Variants in TM7SF2 observed in about 807,000 individuals in gnomAD.
The protein encoded by TM7SF2 is transmembrane 7 superfamily member 2.
Under a neutral mutation model 51.0 loss-of-function variants are expected in TM7SF2, and 51 were observed. That is an observed-to-expected ratio of 1.00 (90% CI 0.80 to 1.26). The LOEUF (loss-of-function observed/expected upper bound fraction) is 1.26, where lower values mean the gene tolerates loss of function less well. Ranked by LOEUF, TM7SF2 falls within the 50% of genes most tolerant of loss-of-function variation. The pLI, the probability that TM7SF2 is intolerant of heterozygous loss-of-function variation, is 0.00. For synonymous variants in TM7SF2, 255 were observed against 241.0 expected, an observed-to-expected ratio of 1.06 and a Z score of -0.54; for missense variants, 541 against 547.4, an observed-to-expected ratio of 0.99 and a Z score of 0.12.
Position 65,116,119 on chromosome 11 carries a change from G to A in TM7SF2, c.*66G>A. 1.9e-6 allele frequency: 3 copies of A among 1,551,724 alleles called. No homozygotes were observed. The highest frequency in any genetic ancestry group is 2.6e-6 in the Non-Finnish European group (3 of 1,150,366). ...TCCACCAGCACACCCAGGACCAGGA[G>A]CCTCGACACACTTGGGACTCAAGGG... On this transcript the variant is annotated 3_prime_UTR_variant, in exon 10 of 10. Coordinates refer to ENST00000279263, the MANE Select transcript of TM7SF2 (RefSeq NM_003273.6).
In TM7SF2 at chr11:65,112,598, G is replaced by T. The variant is rs1267664876; in HGVS notation, c.136G>T (p.Gly46Cys). Residue 46 changes from glycine to cysteine, a missense_variant, in exon 2 of 10, where the codon GGT becomes TGT. By Grantham distance (159) the Gly-to-Cys change is radical (BLOSUM62 -3). Coordinates refer to ENST00000279263, the MANE Select transcript of TM7SF2 (RefSeq NM_003273.6). ...CCGTTCGGGCCCCGCGCGCCTGCTG[G>T]GTCCACCCGCGTCCCTGCCGGGGCT... ...AARSGPARLL[G>C]PPASLPGLEV... The T allele has an allele frequency of 6.6e-7, 1 of 1,516,324 alleles. No homozygotes were observed. The allele number at this position is 1,516,324 out of a possible 1,614,324, so 93.9% of individuals were successfully genotyped here. A position where few individuals can be genotyped will look rare whatever the true frequency, so the allele number is the denominator to read the frequency against.
chr11:65,113,797 G>C, intron 5 of TM7SF2: 1 of 601,624 alleles, frequency 1.7e-6, no homozygotes, highest in South Asian at 2.0e-5. Flanking sequence ...TTGCTGCAGA[G>C]AGCCTACATT....
rs1947967035 is a variant in TM7SF2, at chr11:65,115,483, G to A, written c.981G>A (p.Glu327=). Residue 327 remains glutamate, a synonymous_variant, in exon 9 of 10, where the codon GAG becomes GAA. Transcript: ENST00000279263. ...CCTGCTGTCTTTCCCCAGGGCTTGA[G>A]ACCATCTCTACAGCCACAGGGCGGA... ...NPSDPRVAGL[E]TISTATGRKL... is the part of the protein sequence containing the mutation. The A allele has an allele frequency of 6.2e-7, 1 of 1,614,150 alleles. No individual in the cohort carries two copies. The highest frequency in any genetic ancestry group is 1.1e-5 in the South Asian group (1 of 91,068).
At chr11:65,112,420 G>A (rs1188476249) in intron 1 of TM7SF2, 95 bp from the exon 2 acceptor site, 9 of 1,327,296 alleles carry the variant, frequency 6.8e-6, no homozygotes, top group Non-Finnish European at 8.9e-6. Context: ...TGGGAATGCC[G>A]AGAGGGTCCC....
At position 65,111,969 on chromosome 11, in the gene TM7SF2, TTGAC is replaced by T. The variant is rs750391341; in HGVS notation, c.-41_-38del. ...GGGAAATGGGGCGGACAGTGTTTCC[TTGAC>T]TGACTATTGTGAGCGCCCTCTCTCT... On this transcript the variant is annotated 5_prime_UTR_variant, in exon 1 of 10. Transcript: ENST00000279263. The T allele has an allele frequency of 5.6e-5, 87 of 1,554,288 alleles. No homozygotes were observed. Among genetic ancestry groups the T allele is most frequent in the Non-Finnish European group, 7.2e-5 (83 of 1,146,766 alleles).
chr11:65,112,119 T>C (rs1425306179), intron 1 of TM7SF2, 52 bp downstream of exon 1: 2 of 1,540,958 alleles, frequency 1.3e-6, no homozygotes, highest in Non-Finnish European at 1.8e-6. Flanking sequence ...GAAGGAGAGC[T>C]GGAGCGGGTG....
intron 5 of TM7SF2, among the ~76,000 whole-genome samples, chr11:65,114,145 C>T (rs372720179): frequency 6.6e-6 from 1 of 152,178 alleles, no homozygotes; most frequent in Admixed American, 6.5e-5. Flanking sequence ...GGTCTGGGTC[C>T]TGGCCTGATG....
chr11:65,112,591 C>A lies in TM7SF2; in HGVS notation c.129C>A (p.Arg43=). 1.3e-6 allele frequency: 2 copies of A among 1,517,212 alleles called. No individual in the cohort carries two copies. The highest frequency in any genetic ancestry group is 2.4e-5 in the South Asian group (2 of 81,900). The allele number at this position is 1,517,212 out of a possible 1,614,324, so 94.0% of individuals were successfully genotyped here. ...LLLAARSGPA[R]LLGPPASLPG... ...TGGCGGCCCGTTCGGGCCCCGCGCGCCTGCTGGGTCCACCCGCGTCCCTGC... is the reference window on the plus strand; with the variant it reads ...TGGCGGCCCGTTCGGGCCCCGCGCGACTGCTGGGTCCACCCGCGTCCCTGC... Residue 43 remains arginine (R), a synonymous_variant, in exon 2 of 10, where the codon CGC becomes CGA. Coordinates refer to ENST00000279263, the MANE Select transcript of TM7SF2 (RefSeq NM_003273.6).
In TM7SF2 at chr11:65,115,925, C is replaced by T. The variant is rs1477176662; in HGVS notation, c.1129C>T (p.Leu377Phe). The part of the protein sequence containing the change: ...VSHLLPYFYL[L>F]YFTALLVHRE... Reference sequence around the variant, plus strand: ...ACACCTGCTGCCCTACTTCTACCTCCTCTACTTCACCGCGCTGCTGGTGCA... The same window carrying T: ...ACACCTGCTGCCCTACTTCTACCTCTTCTACTTCACCGCGCTGCTGGTGCA... Residue 377 changes from leucine (L) to phenylalanine (F), a missense_variant, in exon 10 of 10, where the codon CTC (leucine) becomes TTC (phenylalanine). Physicochemically the swap from Leu to Phe is conservative, Grantham distance 22 (BLOSUM62 0). Coordinates refer to ENST00000279263, the MANE Select transcript of TM7SF2 (RefSeq NM_003273.6). 11 of 1,613,972 alleles carry T rather than the reference C, an allele frequency of 6.8e-6. No individual in the cohort carries two copies. The African/African-American group carries it at 1.3e-4, about 20-fold the overall frequency.
chr11:65,113,540 C>G lies in TM7SF2; in HGVS notation c.549C>G (p.Ile183Met). ...TGGGACGAGAGCTCAACCCTCGTAT[C>G]TGTTTCTTCGACTTCAAATATTTCT... ...FFLGRELNPR[I>M]CFFDFKYFCE... Residue 183 changes from isoleucine to methionine, a missense_variant, in exon 5 of 10, where the codon ATC becomes ATG. Coordinates refer to ENST00000279263, the MANE Select transcript of TM7SF2 (RefSeq NM_003273.6). 1 of 1,614,202 alleles carries G rather than the reference C, an allele frequency of 6.2e-7. No individual in the cohort carries two copies. The highest frequency in any genetic ancestry group is 8.5e-7 in the Non-Finnish European group (1 of 1,180,042).
At chr11:65,113,930 A>T (rs1343070371) in intron 5 of TM7SF2, 2 of 367,354 alleles carry the variant, frequency 5.4e-6, no homozygotes, top group Non-Finnish European at 1.0e-5. Flanking sequence ...GAGTGACCGC[A>T]TGCTGCTTGA....
rs755037148 is a variant in TM7SF2 at position 65,115,339 on chromosome 11, G to A, written c.918G>A (p.Gly306=). The part of the protein sequence containing the change: ...INATGYYIFR[G]ANSQKNTFRK... ...CTACTGGTTACTACATCTTCCGTGG[G>A]GCGAATTCCCAGAAAAACACTTTCC... The change falls in exon 8 of 10, where the codon GGG becomes GGA. Residue 306 remains glycine (G), a synonymous_variant. Transcript: ENST00000279263. The A allele has an allele frequency of 4.4e-5, 71 of 1,614,006 alleles. No homozygotes were observed. Among genetic ancestry groups the A allele is most frequent in the Non-Finnish European group, 5.8e-5 (68 of 1,180,030 alleles).
At chr11:65,115,777 C>G in intron 9 of TM7SF2, 116 bp from the exon 10 acceptor site, 4 of 1,581,780 alleles carry the variant, frequency 2.5e-6, no homozygotes, top group South Asian at 2.2e-5. Context: ...TGCTGCAGAC[C>G]CTGGCGCTTT....
intron 5 of TM7SF2, 91 bp from the exon 6 acceptor site, chr11:65,114,622 T>C: frequency 6.8e-7 from 1 of 1,473,186 alleles, no homozygotes; most frequent in East Asian, 2.4e-5. Context: ...AGCTGGAGTG[T>C]AACTGACAGT....
chr11:65,115,417 T>C lies in TM7SF2; in HGVS notation c.973+23T>C, dbSNP rs376027891. On this transcript the variant is annotated intron_variant, in intron 8 of 9. Transcript: ENST00000279263. The stretch of plus-strand genomic sequence containing the variant: ...CTGGTGAGCTGGTTCTCTAGGGCCA[T>C]GGGTGAGGTGGGGCAGCTGGGCTTC... 103 of 1,614,018 alleles carry C rather than the reference T, an allele frequency of 6.4e-5. No homozygotes were observed. In the African/African-American group the frequency reaches 1.1e-3, roughly 18 times the overall value.
At chr11:65,112,753 T>A in intron 2 of TM7SF2, 42 bp downstream of exon 2, 7 of 1,549,016 alleles carry the variant, frequency 4.5e-6, no homozygotes, top group South Asian at 1.2e-5. Context: ...GGGAAGCGAA[T>A]GGGCTCGGCG....
In TM7SF2 at chr11:65,115,610, A is replaced by T. The variant is rs200348221; in HGVS notation, c.1096+12A>T. ...GTCCTTGCCCTGCGGTGAGTGGCCC[A>T]TGTGGATATGGGTAGGGACATGTGA... On this transcript the variant is annotated intron_variant, in intron 9 of 9. Transcript: ENST00000279263. 3.1e-6 allele frequency: 5 copies of T among 1,613,864 alleles called. No individual in the cohort carries two copies. The South Asian group carries it at 3.3e-5, about 11-fold the overall frequency.
Position 65,116,035 on chromosome 11 carries a change from C to T in TM7SF2, c.1239C>T (p.Ile413=). The stretch of plus-strand genomic sequence containing the variant: ...ACTGCCGGCGTGTGCCTTACCGCAT[C>T]ATGCCCTACATCTACTGAAGCGGCT... ...QEYCRRVPYR[I]MPYIY The change falls in exon 10 of 10, where the codon ATC becomes ATT. Residue 413 remains isoleucine (I), a synonymous_variant. Coordinates refer to ENST00000279263, the MANE Select transcript of TM7SF2 (RefSeq NM_003273.6). The T allele has an allele frequency of 1.2e-6, 2 of 1,608,504 alleles. No individual in the cohort carries two copies. The highest frequency in any genetic ancestry group is 1.7e-6 in the Non-Finnish European group (2 of 1,179,394).
intron 7 of TM7SF2, 98 bp from the exon 8 acceptor site, chr11:65,115,216 G>A: frequency 6.3e-7 from 1 of 1,593,988 alleles, no homozygotes; most frequent in Non-Finnish European, 8.6e-7. Flanking sequence ...TGGGGGTCCA[G>A]GCAGAGTCTG....
Sources: allele counts gnomAD v4.1 joint callset (sites outside exome capture counted in the v4.1 genomes callset), GRCh38; gene constraint gnomAD v4.1.1; transcripts MANE v1.5; gene names NCBI Gene and HGNC (gene_info 2026-07-23, HGNC 2026-07-21).